Variants in HS1BP3 observed in about 807,000 individuals in gnomAD.
HS1BP3 encodes HCLS1 binding protein 3.
Under a neutral mutation model 33.5 loss-of-function variants are expected in HS1BP3, and 32 were observed. That is an observed-to-expected ratio of 0.95 (90% confidence interval 0.72 to 1.28). The LOEUF is 1.28. Ranked by LOEUF, HS1BP3 falls within the 50% of genes most tolerant of loss-of-function variation. The pLI, the probability that HS1BP3 is intolerant of heterozygous loss-of-function variation, is 0.00. For synonymous variants in HS1BP3, 187 were observed against 209.2 expected, an observed-to-expected ratio of 0.89 and a Z score of 0.92; for missense variants, 486 against 502.3, an observed-to-expected ratio of 0.97 and a Z score of 0.31.
In HS1BP3 at chr2:20,645,411, T is replaced by A; in HGVS notation, c.127A>T (p.Ile43Phe). ...GCAGCCAGACGGGTCACCACCAGGA[T>A]CTGGTACTCCACGTGTCCAGACATC... ...KMMSGHVEYQ[I>F]LVVTRLAAFK... Residue 43 changes from isoleucine to phenylalanine, a missense_variant, in exon 2 of 7, where the codon ATC (isoleucine) becomes TTC (phenylalanine). Coordinates refer to ENST00000304031, the MANE Select transcript of HS1BP3 (RefSeq NM_022460.4). 3.7e-6 allele frequency: 6 copies of A among 1,614,100 alleles called. No individual in the cohort carries two copies. Among genetic ancestry groups the A allele is most frequent in the Non-Finnish European group, 5.1e-6 (6 of 1,180,028 alleles).
Position 20,611,884 on chromosome 2 carries a change from A to T in HS1BP3, c.178+12012T>A, listed in dbSNP as rs181066252. On this transcript the variant is annotated intron_variant, in intron 2 of 3. Transcript: ENST00000415264. The surrounding 1 kb of genome is among the most constrained non-coding windows in gnomAD (Gnocchi z 4.9). ...GGCACAGCCTCCTCCCGCACCTACA[A>T]CCACCCTCCATGGAGAGCAAGCCAT... 2.1e-3 allele frequency among the ~76,000 whole-genome samples: 321 copies of T among 152,162 alleles called. 1 individual carries two copies. Among genetic ancestry groups the T allele is most frequent in the Non-Finnish European group, 3.7e-3 (253 of 68,004 alleles).
downstream of HS1BP3, among the ~76,000 whole-genome samples, chr2:20,556,156 C>T (rs1692836608): frequency 1.3e-5 from 2 of 152,194 alleles, no homozygotes; most frequent in Non-Finnish European, 2.9e-5. Flanking sequence ...ATCTTTATTT[C>T]ACAGTTTGTT....
chr2:20,563,386 G>A (rs1229691172), intron 5 of HS1BP3, among the ~76,000 whole-genome samples: 1 of 152,230 alleles, frequency 6.6e-6, no homozygotes, highest in East Asian at 1.9e-4. Context: ...GCCAAACAGG[G>A]GTGGGGAGGA....
At chr2:20,554,509 G>T in the HS1BP3 span, among the ~76,000 whole-genome samples, 1 of 152,146 alleles carries the variant, frequency 6.6e-6, no homozygotes, top group Non-Finnish European at 1.5e-5. Flanking sequence ...GATCACCTGA[G>T]GTCAGGAGTT....
At chr2:20,573,475 G>A (rs1693324360) in intron 5 of HS1BP3, among the ~76,000 whole-genome samples, 1 of 152,168 alleles carries the variant, frequency 6.6e-6, no homozygotes, top group Non-Finnish European at 1.5e-5. Context: ...TTTTAATCCT[G>A]AGGATCACAT....
At position 20,619,190 on chromosome 2, in the gene HS1BP3, G is replaced by A; in HGVS notation, c.976C>T (p.Pro326Ser). 6.2e-6 allele frequency: 10 copies of A among 1,613,964 alleles called. No individual in the cohort carries two copies. Among genetic ancestry groups the A allele is most frequent in the African/African-American group, 1.3e-5 (1 of 75,052 alleles). Residue 326 changes from proline (P) to serine (S), a missense_variant, in exon 7 of 7, where the codon CCC becomes TCC. Transcript: ENST00000304031. The stretch of plus-strand genomic sequence containing the variant: ...ACTGGTGGCTTGGGCTTAAGCTGGG[G>A]CTTGGGTTTGGGCTCAGCTCCCAGG... Reference protein sequence around the residue: ...LNLGAEPKPKPQLKPKPPVAA... With the variant: ...LNLGAEPKPKSQLKPKPPVAA...
At chr2:20,632,357 G>C (rs561388761) in intron 4 of HS1BP3, among the ~76,000 whole-genome samples, 1 of 152,362 alleles carries the variant, frequency 6.6e-6, no homozygotes, top group South Asian at 2.1e-4. Flanking sequence ...ACAGCTAGCT[G>C]TCCTTGCAGT....
chr2:20,631,481 T>C (rs1281397889), intron 4 of HS1BP3, among the ~76,000 whole-genome samples: 2 of 118,602 alleles, frequency 1.7e-5, no homozygotes, highest in African/African-American at 6.6e-5. Flanking sequence ...CACACCACTA[T>C]ACTCCAGCCT....
intron 1 of HS1BP3, among the ~76,000 whole-genome samples, chr2:20,649,584 G>A (rs752974833): frequency 3.9e-5 from 6 of 152,224 alleles, no homozygotes; most frequent in Admixed American, 6.5e-5. Flanking sequence ...GCCAGTACCC[G>A]GTACAGAGAA....
intron 2 of HS1BP3, among the ~76,000 whole-genome samples, chr2:20,599,338 A>C (rs970913806): frequency 1.4e-4 from 22 of 152,242 alleles, no homozygotes; most frequent in Admixed American, 1.1e-3. Context: ...CCTGCCAGCC[A>C]CAGGCAGCCA....
downstream of HS1BP3, among the ~76,000 whole-genome samples, chr2:20,555,868 A>G (rs1009266812): frequency 6.6e-5 from 10 of 151,846 alleles, no homozygotes; most frequent in African/African-American, 2.2e-4. Flanking sequence ...TGGAATCCCA[A>G]TTCTCACTCC....
intron 2 of HS1BP3, among the ~76,000 whole-genome samples, chr2:20,644,552 T>C (rs185193315): frequency 3.9e-5 from 6 of 152,340 alleles, no homozygotes; most frequent in Non-Finnish European, 1.5e-5. Context: ...ATATTCTTTA[T>C]TTCAGTTGGT....
In HS1BP3 at chr2:20,651,015, G is replaced by T. The variant is rs761153303; in HGVS notation, c.32+17C>A. The T allele has an allele frequency of 8.1e-7, 1 of 1,238,234 alleles. No homozygotes were observed. Among genetic ancestry groups the T allele is most frequent in the South Asian group, 4.0e-5 (1 of 24,764 alleles). The allele number at this position is 1,238,234 out of a possible 1,614,324, so 76.7% of individuals were successfully genotyped here. A position where few individuals can be genotyped will look rare whatever the true frequency, so the allele number is the denominator to read the frequency against. ...GACTGCGAGCTGTGCGGTGTGGGGC[G>T]CGGGGGTCTGGCTCACCTGGAGGTG... On this transcript the variant is annotated intron_variant, in intron 1 of 6. Coordinates refer to ENST00000304031, the MANE Select transcript of HS1BP3 (RefSeq NM_022460.4).
At position 20,611,342 on chromosome 2, in the gene HS1BP3, T is replaced by C. The variant is rs927117886; in HGVS notation, c.178+12554A>G. On this transcript the variant is annotated intron_variant, in intron 2 of 3. Coordinates refer to the HS1BP3 transcript ENST00000415264. This position sits in a 1 kb window ranked among gnomAD's most constrained non-coding sequence, Gnocchi z 4.9. ...GCTGGCTCACTCCCTCCCAAAGTGA[T>C]TGAGGGTTGATAAGGAAGCTGGGAA... Among the ~76,000 whole-genome samples, 1 of 152,136 alleles carries C rather than the reference T, an allele frequency of 6.6e-6. No homozygotes were observed. The highest frequency in any genetic ancestry group is 2.4e-5 in the African/African-American group (1 of 41,420).
At chr2:20,639,318 C>G (rs888596546) in intron 3 of HS1BP3, among the ~76,000 whole-genome samples, 65 of 152,362 alleles carry the variant, frequency 4.3e-4, no homozygotes, top group African/African-American at 1.5e-3. Context: ...GAGCAAGCAT[C>G]CAGAAACTTC....
chr2:20,590,161 T>G (rs1262241175), downstream of HS1BP3, among the ~76,000 whole-genome samples: 1 of 152,084 alleles, frequency 6.6e-6, no homozygotes. Flanking sequence ...CTGGGGGCAT[T>G]TGGCCCTGGT....
intron 2 of HS1BP3, among the ~76,000 whole-genome samples, chr2:20,604,258 A>G (rs1052454331): frequency 6.6e-6 from 1 of 152,158 alleles, no homozygotes; most frequent in African/African-American, 2.4e-5. Flanking sequence ...GAGGCTGTCT[A>G]CACTTCAGTG....
chr2:20,619,902 C>T (rs1408996481), intron 6 of HS1BP3, among the ~76,000 whole-genome samples: 5 of 152,324 alleles, frequency 3.3e-5, no homozygotes, highest in South Asian at 2.1e-4. Flanking sequence ...GTGGGCCACA[C>T]GGGTGCCAGA....
chr2:20,565,459 T>A (rs1329732468), intron 5 of HS1BP3, among the ~76,000 whole-genome samples: 1 of 152,122 alleles, frequency 6.6e-6, no homozygotes, highest in East Asian at 1.9e-4. Flanking sequence ...CAATTAATGA[T>A]CTCGACAGAG....
Sources: gnomAD v4.1 joint callset for allele counts (sites outside exome capture counted in the v4.1 genomes callset) on GRCh38, gnomAD v4.1.1 for gene constraint, Gnocchi (gnomAD v3.1) non-coding constraint, MANE v1.5 for transcripts, NCBI Gene and HGNC (gene_info 2026-07-23, HGNC 2026-07-21) for gene names.